Variants in CADPS2 observed in about 807,000 individuals in gnomAD.
The protein encoded by CADPS2 is calcium-dependent secretion activator 2.
CADPS2 carries 93 observed loss-of-function variants against 172.5 expected under a neutral mutation model. The ratio of observed to expected loss-of-function variants is 0.54; its 90% CI spans 0.46 to 0.64. The LOEUF is 0.64. Among genes scored for constraint, CADPS2 ranks in the 30% least tolerant of loss-of-function variants. The probability of loss-of-function intolerance (pLI) is 0.00; values close to 1 mark genes in which losing one functional copy is unlikely to be tolerated. For missense variants in CADPS2, 1,420 were observed against 1,565.9 expected (o/e 0.91, Z 1.57); for synonymous variants, 546 against 555.2 (o/e 0.98, Z 0.23).
At chr7:122,401,633 C>G (rs1375067365) in intron 20 of CADPS2, among the ~76,000 whole-genome samples, 2 of 152,166 alleles carry the variant, frequency 1.3e-5, no homozygotes. Context: ...AAACATTTAT[C>G]TTCCCTCAAT....
chr7:122,817,547 C>T lies in CADPS2; in HGVS notation c.339+68452G>A, dbSNP rs566432583. On this transcript the variant is annotated intron_variant, in intron 1 of 29. Transcript: ENST00000449022. ...TGGTGTTTAATCATTGCAGGGACGC[C>T]TCTCTGATTATTCACCCACGTTTCA... 1.3e-4 allele frequency among the ~76,000 whole-genome samples: 20 copies of T among 152,246 alleles called. No homozygotes were observed. In the South Asian group the frequency reaches 4.1e-3, roughly 32 times the overall value.
chr7:122,540,534 T>C (rs980612116), intron 8 of CADPS2, among the ~76,000 whole-genome samples: 2 of 152,104 alleles, frequency 1.3e-5, no homozygotes, highest in Admixed American at 6.6e-5. Context: ...TTCAAACTAA[T>C]TATTTCAGAA....
At chr7:122,406,761 C>T (rs1273332102) in intron 20 of CADPS2, among the ~76,000 whole-genome samples, 3 of 152,232 alleles carry the variant, frequency 2.0e-5, no homozygotes, top group Non-Finnish European at 1.5e-5. Flanking sequence ...AGGCAGAGTT[C>T]ATCTTGGTGC....
intron 2 of CADPS2, among the ~76,000 whole-genome samples, chr7:122,699,868 T>C (rs370637070): frequency 6.6e-6 from 1 of 152,084 alleles, no homozygotes; most frequent in African/African-American, 2.4e-5. Context: ...GCACAATTCA[T>C]TTTTTAAAAA....
chr7:122,753,387 C>T (rs552923135), intron 1 of CADPS2, among the ~76,000 whole-genome samples: 40 of 152,134 alleles, frequency 2.6e-4, no homozygotes, highest in Non-Finnish European at 4.4e-4. Flanking sequence ...GCAATAACTG[C>T]CTCAACTTTT....
Position 122,471,420 on chromosome 7 carries a change from A to G in CADPS2, c.2141T>C (p.Leu714Pro). 1.2e-6 allele frequency: 2 copies of G among 1,613,522 alleles called. No homozygotes were observed. Among genetic ancestry groups the G allele is most frequent in the East Asian group, 2.2e-5 (1 of 44,810 alleles). ...GGCACAGAATGCAAAGCTGTAATGG[A>G]GCAGGGTAGGGTCAATGACAGCACC... ...ENGAVIDPTL[L>P]HYSFAFCASH... is the part of the protein sequence containing the mutation. The change falls in exon 14 of 30, where the codon CTC becomes CCC. Residue 714 changes from leucine (L) to proline (P), a missense_variant. Transcript: ENST00000449022.
chr7:122,558,817 T>C (rs78588237), intron 7 of CADPS2, among the ~76,000 whole-genome samples: 3,112 of 152,162 alleles, frequency 0.02, 109 homozygotes, highest in African/African-American at 0.071. Flanking sequence ...CCAAACTACA[T>C]ACATTTGTGC....
chr7:122,480,147 AGCTCACTCTCTTC>A, intron 12 of CADPS2: 2 of 470,756 alleles, frequency 4.2e-6, no homozygotes, highest in Admixed American at 4.7e-5. Flanking sequence ...CCACCCCTTC[AGCTCACTCTCTTC>A]CCTTAGAATT....
At chr7:122,507,113 T>A (rs1052756540) in intron 9 of CADPS2, among the ~76,000 whole-genome samples, 1 of 151,774 alleles carries the variant, frequency 6.6e-6, no homozygotes, top group South Asian at 2.1e-4. Context: ...GTAAAAAAAA[T>A]TTAATTGGAT....
intron 3 of CADPS2, among the ~76,000 whole-genome samples, chr7:122,649,849 A>AT (rs901861887): frequency 1.6e-5 from 2 of 126,464 alleles, no homozygotes; most frequent in African/African-American, 6.2e-5. Context: ...TCATTTATGT[A>AT]TTTTCACTGC....
chr7:122,520,520 T>C (rs562326953), intron 8 of CADPS2, among the ~76,000 whole-genome samples: 15 of 152,172 alleles, frequency 9.9e-5, no homozygotes, highest in African/African-American at 2.9e-4. Flanking sequence ...GATTAAAAAA[T>C]TGAGATTTAA....
chr7:122,855,245 T>C (rs771509294), intron 1 of CADPS2, among the ~76,000 whole-genome samples: 5 of 152,190 alleles, frequency 3.3e-5, no homozygotes, highest in African/African-American at 1.2e-4. Context: ...GTTCTTCCTA[T>C]ATCAAATTGT....
chr7:122,788,778 A>G (rs562685136), intron 1 of CADPS2, among the ~76,000 whole-genome samples: 3 of 152,288 alleles, frequency 2.0e-5, no homozygotes, highest in Admixed American at 2.0e-4. Context: ...TTTATACAAT[A>G]AAACTGTTCT....
At chr7:122,404,153 C>T (rs531203760) in intron 20 of CADPS2, among the ~76,000 whole-genome samples, 3 of 152,204 alleles carry the variant, frequency 2.0e-5, no homozygotes, top group East Asian at 3.9e-4. Context: ...TCTCCCCACC[C>T]CATAACAGGC....
At chr7:122,585,392 T>G (rs1488067511) in intron 6 of CADPS2, 2 of 139,660 alleles carry the variant, frequency 1.4e-5, no homozygotes, top group Non-Finnish European at 3.1e-5. Context: ...AAGACACAGT[T>G]AGAAAAATCA....
intron 3 of CADPS2, among the ~76,000 whole-genome samples, chr7:122,633,374 C>T (rs2076761723): frequency 6.6e-6 from 1 of 152,012 alleles, no homozygotes; most frequent in Admixed American, 6.6e-5. Context: ...ATTTTCTAAG[C>T]AGTGTTGTGT....
At chr7:122,541,905 T>G (rs574244661) in intron 8 of CADPS2, among the ~76,000 whole-genome samples, 108 of 142,930 alleles carry the variant, frequency 7.6e-4, no homozygotes, top group African/African-American at 2.5e-3. Context: ...ATTTATATAT[T>G]CATATATATT....
intron 1 of CADPS2, among the ~76,000 whole-genome samples, chr7:122,785,670 T>C (rs1334177361): frequency 1.3e-5 from 2 of 152,106 alleles, no homozygotes. Flanking sequence ...CCCATTGAGG[T>C]CCTTTCTTGG....
intron 22 of CADPS2, 42 bp downstream of exon 22, chr7:122,393,154 A>G: frequency 6.2e-7 from 1 of 1,605,960 alleles, no homozygotes; most frequent in Non-Finnish European, 8.5e-7. Flanking sequence ...CAGGCCATGC[A>G]CCAGCTAACA....
Sources: gnomAD v4.1 joint callset for allele counts (sites outside exome capture counted in the v4.1 genomes callset) on GRCh38, gnomAD v4.1.1 for gene constraint, MANE v1.5 for transcripts, NCBI Gene and HGNC (gene_info 2026-07-23, HGNC 2026-07-21) for gene names.